LDB2: variants seen among roughly 807,000 people sequenced by gnomAD.
LDB2 encodes LIM domain binding 2.
LDB2 carries 12 observed loss-of-function variants against 44.3 expected under a neutral mutation model. The observed-to-expected ratio is 0.27, with a 90% CI of 0.17 to 0.44. The LOEUF (loss-of-function observed/expected upper bound fraction) is 0.44, where lower values mean the gene tolerates loss of function less well. Ranked by LOEUF, LDB2 falls within the 20% of genes least tolerant of loss-of-function variation. The probability of loss-of-function intolerance (pLI) is 1.00; values close to 1 mark genes in which losing one functional copy is unlikely to be tolerated. For missense variants in LDB2, 344 were observed against 473.5 expected (o/e 0.73, Z 2.54); for synonymous variants, 164 against 174.8 (o/e 0.94, Z 0.49).
chr4:16,517,953 A>G (rs904022990), intron 5 of LDB2, among the ~76,000 whole-genome samples: 1 of 152,188 alleles, frequency 6.6e-6, no homozygotes, highest in Non-Finnish European at 1.5e-5. Context: ...CCAGATTTAT[A>G]GCAAGGAGTC....
chr4:16,739,415 A>G (rs1230852807), intron 2 of LDB2, among the ~76,000 whole-genome samples: 1 of 149,432 alleles, frequency 6.7e-6, no homozygotes, highest in Non-Finnish European at 1.5e-5. Context: ...GTGAAATCCC[A>G]TCTCTACTAA....
intron 2 of LDB2, among the ~76,000 whole-genome samples, chr4:16,672,013 G>C (rs138036531): frequency 6.6e-6 from 1 of 152,202 alleles, no homozygotes; most frequent in Non-Finnish European, 1.5e-5. Context: ...CTGGAGAGGT[G>C]CATGGAGAAG....
At chr4:16,769,950 T>C (rs1405314942) in intron 1 of LDB2, among the ~76,000 whole-genome samples, 1 of 152,154 alleles carries the variant, frequency 6.6e-6, no homozygotes, top group East Asian at 1.9e-4. Context: ...TCAGTAGAAG[T>C]TACATCAGTG....
At chr4:16,805,239 G>T (rs964433635) in intron 1 of LDB2, among the ~76,000 whole-genome samples, 1 of 152,104 alleles carries the variant, frequency 6.6e-6, no homozygotes, top group Non-Finnish European at 1.5e-5. Flanking sequence ...TTAGGGATTG[G>T]GACATCAACC....
intron 5 of LDB2, among the ~76,000 whole-genome samples, chr4:16,580,789 G>A (rs950707802): frequency 1.3e-5 from 2 of 152,196 alleles, no homozygotes; most frequent in Non-Finnish European, 2.9e-5. Context: ...CTCAATGCCA[G>A]CCTGGAAGTT....
At chr4:16,879,098 G>A (rs1204110200) in intron 1 of LDB2, among the ~76,000 whole-genome samples, 1 of 152,134 alleles carries the variant, frequency 6.6e-6, no homozygotes, top group African/African-American at 2.4e-5. Flanking sequence ...ATGCGGTATT[G>A]TATGCTAAAC....
intron 2 of LDB2, among the ~76,000 whole-genome samples, chr4:16,608,735 T>C (rs1388442154): frequency 1.3e-5 from 2 of 152,184 alleles, no homozygotes; most frequent in East Asian, 3.9e-4. Flanking sequence ...TGGGGCTCCA[T>C]TCCTAAAGAT....
intron 2 of LDB2, among the ~76,000 whole-genome samples, chr4:16,645,828 A>G (rs1320755555): frequency 6.6e-6 from 1 of 152,102 alleles, no homozygotes; most frequent in Non-Finnish European, 1.5e-5. Flanking sequence ...CTAAGTCTCA[A>G]TGTTTTTGGT....
intron 4 of LDB2, among the ~76,000 whole-genome samples, chr4:16,587,017 G>C (rs1202937740): frequency 6.6e-6 from 1 of 152,212 alleles, no homozygotes; most frequent in Non-Finnish European, 1.5e-5. Flanking sequence ...GAGCATGTCA[G>C]TTTCATGTCA....
intron 1 of LDB2, among the ~76,000 whole-genome samples, chr4:16,773,801 C>A (rs1333527160): frequency 2.6e-5 from 4 of 151,854 alleles, no homozygotes; most frequent in African/African-American, 7.3e-5. Context: ...GTGGTGTGGT[C>A]ATAGCTCTCT....
At chr4:16,883,889 C>T (rs1013930664) in intron 1 of LDB2, among the ~76,000 whole-genome samples, 5 of 151,902 alleles carry the variant, frequency 3.3e-5, no homozygotes, top group East Asian at 1.9e-4. Context: ...CCTTGGCTTA[C>T]GGGAACTTTG....
At chr4:16,741,129 CA>C (rs1356090617) in intron 2 of LDB2, among the ~76,000 whole-genome samples, 22 of 152,332 alleles carry the variant, frequency 1.4e-4, no homozygotes, top group African/African-American at 5.1e-4. Flanking sequence ...GGATGTTTGT[CA>C]GCTCCAGGGA....
intron 1 of LDB2, among the ~76,000 whole-genome samples, chr4:16,796,746 T>C (rs1211106805): frequency 6.6e-6 from 1 of 152,182 alleles, no homozygotes; most frequent in Admixed American, 6.5e-5. Context: ...TAATAAGCCA[T>C]GTTGGTAACA....
chr4:16,833,799 C>T (rs944622713), intron 1 of LDB2, among the ~76,000 whole-genome samples: 1 of 152,166 alleles, frequency 6.6e-6, no homozygotes, highest in Admixed American at 6.5e-5. Flanking sequence ...CTTTAGCTCC[C>T]CAAAGTGCTG....
chr4:16,579,236 C>T (rs931098347), intron 5 of LDB2, among the ~76,000 whole-genome samples: 12 of 152,052 alleles, frequency 7.9e-5, no homozygotes, highest in African/African-American at 2.9e-4. Context: ...CCGTATTTAC[C>T]TTGATGTGAT....
At chr4:16,725,447 A>T (rs1561006849) in intron 2 of LDB2, among the ~76,000 whole-genome samples, 1 of 152,120 alleles carries the variant, frequency 6.6e-6, no homozygotes, top group Non-Finnish European at 1.5e-5. Context: ...AACCTGCCAT[A>T]AATCAGACTT....
chr4:16,620,656 A>G (rs747472186), intron 2 of LDB2, among the ~76,000 whole-genome samples: 4 of 152,152 alleles, frequency 2.6e-5, no homozygotes, highest in Non-Finnish European at 5.9e-5. Flanking sequence ...TGAAATTTAG[A>G]AGGTGAAACT....
intron 2 of LDB2, among the ~76,000 whole-genome samples, chr4:16,644,252 C>T (rs574118221): frequency 4.9e-4 from 74 of 152,248 alleles, no homozygotes; most frequent in African/African-American, 1.7e-3. Flanking sequence ...AGAATGCCAA[C>T]CAGTGTAGAG....
At chr4:16,536,974 A>G (rs892576925) in intron 5 of LDB2, among the ~76,000 whole-genome samples, 3 of 152,224 alleles carry the variant, frequency 2.0e-5, no homozygotes, top group African/African-American at 7.2e-5. Flanking sequence ...TGCTTTGTCA[A>G]TCATAATGTT....
Sources: gnomAD v4.1 joint callset for allele counts (sites outside exome capture counted in the v4.1 genomes callset) on GRCh38, gnomAD v4.1.1 for gene constraint, MANE v1.5 for transcripts, NCBI Gene and HGNC (gene_info 2026-07-23, HGNC 2026-07-21) for gene names.